The following STPG2 variants were observed in gnomAD, a reference collection of about 807,000 sequenced individuals.
The protein encoded by STPG2 is sperm tail PG-rich repeat containing 2.
STPG2 carries 56 observed loss-of-function variants against 54.2 expected under a neutral mutation model. The ratio of observed to expected loss-of-function variants is 1.03; its 90% CI spans 0.83 to 1.29. The LOEUF (loss-of-function observed/expected upper bound fraction) is 1.29. Among genes scored for constraint, STPG2 ranks in the 50% most tolerant of loss-of-function variants. The pLI, the probability that STPG2 is intolerant of heterozygous loss-of-function variation, is 0.00. For synonymous variants in STPG2, 200 were observed against 181.8 expected, an observed-to-expected ratio of 1.10 and a Z score of -0.81; for missense variants, 596 against 544.9, an observed-to-expected ratio of 1.09 and a Z score of -0.93.
At chr4:97,998,637 G>A (rs960807980) in intron 5 of STPG2, among the ~76,000 whole-genome samples, 1 of 152,182 alleles carries the variant, frequency 6.6e-6, no homozygotes, top group Admixed American at 6.5e-5. Flanking sequence ...TAATATTATT[G>A]TTTTGTAAGT....
At chr4:97,683,979 T>G (rs2148981846) in intron 10 of STPG2, among the ~76,000 whole-genome samples, 2 of 151,934 alleles carry the variant, frequency 1.3e-5, no homozygotes, top group Middle Eastern at 3.4e-3. Flanking sequence ...ACAATTGAAT[T>G]TATAAATTAA....
chr4:97,965,120 T>C (rs1431461901), intron 7 of STPG2, among the ~76,000 whole-genome samples: 2 of 152,150 alleles, frequency 1.3e-5, no homozygotes, highest in Non-Finnish European at 2.9e-5. Context: ...ACCTGGAAAA[T>C]TGTTTCACTC....
At position 97,695,557 on chromosome 4, in the gene STPG2, G is replaced by T. The variant is rs190132271; in HGVS notation, c.1320+17142C>A. ...AAATTGGTAAAGAGGAAGTCAAATT[G>T]TTGCTGTTCGCTGATGATATGACAG... is the stretch of plus-strand genomic sequence containing the variant. On this transcript the variant is annotated intron_variant, in intron 10 of 10. Transcript: ENST00000295268. Among the ~76,000 whole-genome samples, 231 of 152,206 alleles carry T rather than the reference G, an allele frequency of 1.5e-3. 1 individual carries two copies. Among genetic ancestry groups the T allele is most frequent in the African/African-American group, 5.5e-3 (229 of 41,534 alleles).
chr4:97,532,817 G>A (rs17026766), intron 4 of STPG2, among the ~76,000 whole-genome samples: 16,146 of 152,116 alleles, frequency 0.11, 2,553 homozygotes, highest in African/African-American at 0.35. Context: ...CACTCATAAC[G>A]TTAAAAATGA....
At chr4:97,974,617 TAGTG>T (rs1459105365) in intron 6 of STPG2, among the ~76,000 whole-genome samples, 4 of 152,050 alleles carry the variant, frequency 2.6e-5, no homozygotes, top group African/African-American at 4.8e-5. Context: ...GTTCTCATGA[TAGTG>T]AGTAAGTCTC....
At chr4:97,827,113 G>T (rs1407684470) in intron 9 of STPG2, among the ~76,000 whole-genome samples, 1 of 152,096 alleles carries the variant, frequency 6.6e-6, no homozygotes, top group Non-Finnish European at 1.5e-5. Flanking sequence ...TCAAACAGGG[G>T]TTAAACTGCA....
chr4:97,980,640 G>C (rs1734644189), intron 6 of STPG2, among the ~76,000 whole-genome samples: 1 of 152,116 alleles, frequency 6.6e-6, no homozygotes, highest in African/African-American at 2.4e-5. Flanking sequence ...ATATATAATA[G>C]AAAAGCCTGT....
intron 5 of STPG2, among the ~76,000 whole-genome samples, chr4:98,074,760 T>G (rs747333340): frequency 6.6e-6 from 1 of 152,234 alleles, no homozygotes; most frequent in Non-Finnish European, 1.5e-5. Context: ...TTATGTATTA[T>G]AATTACTAAA....
At chr4:97,573,526 T>C (rs1210126456) in intron 10 of STPG2, among the ~76,000 whole-genome samples, 4 of 151,820 alleles carry the variant, frequency 2.6e-5, no homozygotes, top group Non-Finnish European at 5.9e-5. Flanking sequence ...TATTTATTAT[T>C]AACATAGTAA....
rs555583613 is a variant in STPG2, at chr4:97,591,403, A to G, written c.1321-32286T>C. ...TTTTCTTTAACATTAATCAGTTTAC[A>G]TAATAATAAAGGCTAAGTTATATAT... On this transcript the variant is annotated intron_variant, in intron 10 of 10. Transcript: ENST00000295268. Among the ~76,000 whole-genome samples, 4 of 152,330 alleles carry G rather than the reference A, an allele frequency of 2.6e-5. No homozygotes were observed. In the East Asian group the frequency reaches 5.8e-4, roughly 22 times the overall value.
intron 9 of STPG2, among the ~76,000 whole-genome samples, chr4:97,731,322 G>C (rs775578721): frequency 2.0e-5 from 3 of 152,118 alleles, no homozygotes; most frequent in Non-Finnish European, 4.4e-5. Flanking sequence ...GGGTTTCACA[G>C]GTGATGTGTC....
intron 4 of STPG2, among the ~76,000 whole-genome samples, chr4:97,526,608 CT>C (rs1578362641): frequency 1.3e-5 from 2 of 152,122 alleles, no homozygotes; most frequent in South Asian, 4.2e-4. Context: ...CAAAAATTTT[CT>C]CCCATTCTAC....
intron 8 of STPG2, among the ~76,000 whole-genome samples, chr4:97,842,106 A>G (rs1728818362): frequency 6.6e-6 from 1 of 151,782 alleles, no homozygotes; most frequent in Non-Finnish European, 1.5e-5. Context: ...CCTTACATCC[A>G]TATTATCACC....
intron 10 of STPG2, among the ~76,000 whole-genome samples, chr4:97,571,887 G>C (rs916366644): frequency 6.6e-6 from 1 of 151,998 alleles, no homozygotes; most frequent in Non-Finnish European, 1.5e-5. Flanking sequence ...GGCTTTTTCT[G>C]CAAGTATATG....
chr4:97,935,682 G>A (rs1006870437), intron 8 of STPG2, among the ~76,000 whole-genome samples: 3 of 151,468 alleles, frequency 2.0e-5, no homozygotes, highest in African/African-American at 7.3e-5. Flanking sequence ...TCCATGTAGT[G>A]CGGTTTTTAA....
At chr4:97,569,614 AT>A (rs1311778766) in intron 10 of STPG2, among the ~76,000 whole-genome samples, 2 of 152,176 alleles carry the variant, frequency 1.3e-5, no homozygotes, top group African/African-American at 4.8e-5. Context: ...TTGATAGTAG[AT>A]TAACAAGTAA....
intron 8 of STPG2, among the ~76,000 whole-genome samples, chr4:97,913,597 AG>A (rs1469239383): frequency 1.3e-5 from 2 of 152,194 alleles, no homozygotes; most frequent in Non-Finnish European, 2.9e-5. Context: ...GCACAGTGAT[AG>A]GTAATTCCAA....
Position 97,912,927 on chromosome 4 carries a change from A to G in STPG2, c.1044+30970T>C, listed in dbSNP as rs540546627. 6.6e-5 allele frequency among the ~76,000 whole-genome samples: 10 copies of G among 152,356 alleles called. No homozygotes were observed. In the South Asian group the frequency reaches 1.9e-3, roughly 28 times the overall value. On this transcript the variant is annotated intron_variant, in intron 8 of 10. Transcript: ENST00000295268. The stretch of plus-strand genomic sequence containing the variant: ...GACATCTAATTGTACTAATGACCCA[A>G]TAATACAATTCTAAAGAGGAAAGAG...
intron 9 of STPG2, among the ~76,000 whole-genome samples, chr4:97,715,675 T>C (rs1320125559): frequency 6.6e-6 from 1 of 152,144 alleles, no homozygotes; most frequent in African/African-American, 2.4e-5. Flanking sequence ...ATGAATACTT[T>C]TTTCATATGA....
Sources: gnomAD v4.1 joint callset for allele counts (sites outside exome capture counted in the v4.1 genomes callset) on GRCh38, gnomAD v4.1.1 for gene constraint, MANE v1.5 for transcripts, NCBI Gene and HGNC (gene_info 2026-07-23, HGNC 2026-07-21) for gene names.